The following NEIL3 variants were observed in gnomAD, a reference collection of about 807,000 sequenced individuals.
NEIL3 encodes the protein nei like DNA glycosylase 3.
A neutral mutation model predicts 57.5 loss-of-function variants in NEIL3; 48 were observed. The ratio of observed to expected loss-of-function variants is 0.83; its 90% CI spans 0.66 to 1.06. The LOEUF (loss-of-function observed/expected upper bound fraction) is 1.06, where lower values mean the gene tolerates loss of function less well. Ranked by LOEUF, NEIL3 falls within the 50% of genes least tolerant of loss-of-function variation. The pLI is 0.00. For missense variants in NEIL3, 717 were observed against 739.1 expected (o/e 0.97, Z 0.35); for synonymous variants, 261 against 253.2 (o/e 1.03, Z -0.29).
chr4:177,318,299 G>GT (rs555517076), intron 1 of NEIL3, among the ~76,000 whole-genome samples: 84 of 152,224 alleles, frequency 5.5e-4, no homozygotes, highest in African/African-American at 2.0e-3. Flanking sequence ...ACTTTTGTCA[G>GT]TTTTTTCCTG....
At chr4:177,361,199 C>G (rs1735601760) in intron 9 of NEIL3, among the ~76,000 whole-genome samples, 1 of 152,146 alleles carries the variant, frequency 6.6e-6, no homozygotes, top group South Asian at 2.1e-4. Flanking sequence ...TCCTGCCTTT[C>G]CAGTCTGTGG....
intron 7 of NEIL3, 73 bp from the exon 8 acceptor site, chr4:177,353,235 T>C: frequency 7.7e-7 from 1 of 1,299,340 alleles, no homozygotes; most frequent in Non-Finnish European, 1.1e-6. Flanking sequence ...TTTAATCAAA[T>C]AAAAAGATGT....
At chr4:177,327,840 T>A (rs933711602) in intron 2 of NEIL3, among the ~76,000 whole-genome samples, 2 of 152,226 alleles carry the variant, frequency 1.3e-5, no homozygotes, top group Non-Finnish European at 2.9e-5. Flanking sequence ...ATGTGTGGAA[T>A]TCTATATTGA....
At chr4:177,310,308 C>T (rs529133104) in intron 1 of NEIL3, among the ~76,000 whole-genome samples, 199 bp downstream of exon 1, 3 of 152,210 alleles carry the variant, frequency 2.0e-5, no homozygotes, top group Non-Finnish European at 2.9e-5. Context: ...GGAGGGCTAG[C>T]GTTCTGGGCT....
At chr4:177,348,352 A>C (rs1181435033) in intron 6 of NEIL3, among the ~76,000 whole-genome samples, 1 of 152,090 alleles carries the variant, frequency 6.6e-6, no homozygotes. Context: ...TTTCTGAGTT[A>C]GGGTGGGTAG....
intron 8 of NEIL3, among the ~76,000 whole-genome samples, chr4:177,355,841 A>T (rs1735461298): frequency 6.6e-6 from 1 of 152,192 alleles, no homozygotes; most frequent in Admixed American, 6.5e-5. Flanking sequence ...ACCATCAGTT[A>T]ATCCTGATGA....
intron 1 of NEIL3, among the ~76,000 whole-genome samples, chr4:177,311,785 C>G (rs1007374540): frequency 6.6e-6 from 1 of 151,846 alleles, no homozygotes; most frequent in Non-Finnish European, 1.5e-5. Context: ...ACACTGCCCT[C>G]TCATTTAGGA....
chr4:177,366,907 C>T (rs1028639722), downstream of NEIL3, among the ~76,000 whole-genome samples: 1 of 152,092 alleles, frequency 6.6e-6, no homozygotes, highest in Admixed American at 6.5e-5. Context: ...GAATCTTTTC[C>T]GTCATCTCCA....
Position 177,362,593 on chromosome 4 carries a change from A to G in NEIL3, c.*122A>G. On this transcript the variant is annotated 3_prime_UTR_variant, in exon 10 of 10. Transcript: ENST00000264596. The stretch of plus-strand genomic sequence containing the variant: ...TTGAAAAGTTACTGCAATATTTGAG[A>G]ACTGTTCTTTTTTTTTCTTGTGTGT... 1.3e-6 allele frequency: 1 copy of G among 741,354 alleles called. No individual in the cohort carries two copies. The highest frequency in any genetic ancestry group is 2.6e-5 in the South Asian group (1 of 37,996). The allele number at this position is 741,354 out of a possible 1,614,324, so 45.9% of individuals were successfully genotyped here.
At chr4:177,317,894 T>TTTTA (rs1734605482) in intron 1 of NEIL3, among the ~76,000 whole-genome samples, 1 of 152,162 alleles carries the variant, frequency 6.6e-6, no homozygotes, top group East Asian at 1.9e-4. Flanking sequence ...CTGGCCACCA[T>TTTTA]GGTTAGAACT....
At chr4:177,351,236 A>AAAAAAG (rs1735343610) in intron 6 of NEIL3, 144 bp from the exon 7 acceptor site, 1 of 275,844 alleles carries the variant, frequency 3.6e-6, no homozygotes, top group Non-Finnish European at 6.5e-6. Flanking sequence ...AAAAAAAAAA[A>AAAAAAG]AAGACTCTAA....
Position 177,315,330 on chromosome 4 carries a change from G to C in NEIL3, c.156+5221G>C, listed in dbSNP as rs569765622. Among the ~76,000 whole-genome samples the C allele has an allele frequency of 1.3e-4, 20 of 152,276 alleles. No individual in the cohort carries two copies. In the South Asian group the frequency reaches 3.7e-3, roughly 28 times the overall value. ...TGTCTCTGAAAATACATGTTGTTTT[G>C]AAGATTTCATATTATTAAGCCACTT... On this transcript the variant is annotated intron_variant, in intron 1 of 9. Transcript: ENST00000264596.
At chr4:177,342,283 G>A (rs1193788402) in intron 6 of NEIL3, among the ~76,000 whole-genome samples, 1 of 152,190 alleles carries the variant, frequency 6.6e-6, no homozygotes, top group Non-Finnish European at 1.5e-5. Flanking sequence ...TGAAAAGTCT[G>A]ATTATTTTCT....
chr4:177,320,128 G>A (rs1171150960), intron 1 of NEIL3, among the ~76,000 whole-genome samples: 1 of 152,150 alleles, frequency 6.6e-6, no homozygotes, highest in African/African-American at 2.4e-5. Context: ...GGTTGTCATG[G>A]AAACCTACCT....
At chr4:177,318,606 T>A (rs1377756857) in intron 1 of NEIL3, among the ~76,000 whole-genome samples, 1 of 152,182 alleles carries the variant, frequency 6.6e-6, no homozygotes, top group Non-Finnish European at 1.5e-5. Flanking sequence ...TACAAGGGCC[T>A]TTGCTCTGTC....
chr4:177,360,736 T>A, intron 9 of NEIL3, 59 bp downstream of exon 9: 1 of 1,278,634 alleles, frequency 7.8e-7, no homozygotes, highest in Non-Finnish European at 1.1e-6. Context: ...GTTATTAATG[T>A]ATAACAAATA....
chr4:177,336,433 T>G, intron 4 of NEIL3, 112 bp downstream of exon 4: 1 of 785,778 alleles, frequency 1.3e-6, no homozygotes. Flanking sequence ...AGACTTCAGG[T>G]GTCCCGCTTC....
chr4:177,341,407 A>G, intron 5 of NEIL3, 69 bp from the exon 6 acceptor site: 1 of 1,307,500 alleles, frequency 7.6e-7, no homozygotes. Flanking sequence ...ACTTTCGAGA[A>G]TGTGTCTTTG....
intron 2 of NEIL3, among the ~76,000 whole-genome samples, chr4:177,334,578 T>C (rs1734940493): frequency 6.6e-6 from 1 of 152,170 alleles, no homozygotes; most frequent in Non-Finnish European, 1.5e-5. Context: ...CACCTTTCAC[T>C]GGGGTTGAAC....
Sources: allele counts gnomAD v4.1 joint callset (sites outside exome capture counted in the v4.1 genomes callset), GRCh38; gene constraint gnomAD v4.1.1; transcripts MANE v1.5; gene names NCBI Gene and HGNC (gene_info 2026-07-23, HGNC 2026-07-21).